Variants in ZDHHC14 observed in about 807,000 individuals in gnomAD.
ZDHHC14 encodes zDHHC palmitoyltransferase 14.
ZDHHC14 carries 16 observed loss-of-function variants against 47.7 expected under a neutral mutation model. The observed-to-expected ratio is 0.34, with a 90% confidence interval of 0.23 to 0.51. The LOEUF (loss-of-function observed/expected upper bound fraction) is 0.51. Among genes scored for constraint, ZDHHC14 ranks in the 20% least tolerant of loss-of-function variants. The pLI is 0.97. For missense variants in ZDHHC14, 515 were observed against 662.5 expected (o/e 0.78, Z 2.44); for synonymous variants, 293 against 278.9 (o/e 1.05, Z -0.50).
At chr6:157,411,556 G>A (rs1005632688) in intron 1 of ZDHHC14, among the ~76,000 whole-genome samples, 4 of 152,116 alleles carry the variant, frequency 2.6e-5, no homozygotes, top group Non-Finnish European at 4.4e-5. Context: ...CCCTCCTGGG[G>A]GAAGTTGGGT....
intron 1 of ZDHHC14, among the ~76,000 whole-genome samples, chr6:157,437,179 A>G (rs975810759): frequency 1.3e-5 from 2 of 152,186 alleles, no homozygotes; most frequent in Non-Finnish European, 2.9e-5. Flanking sequence ...TGCATCCGTG[A>G]GAGCACTGGG....
At position 157,384,016 on chromosome 6, in the gene ZDHHC14, C is replaced by T. The variant is rs112292374; in HGVS notation, c.245+1750C>T. Among the ~76,000 whole-genome samples, 443 of 152,286 alleles carry T rather than the reference C, an allele frequency of 2.9e-3. 5 individuals carry two copies. The highest frequency in any genetic ancestry group is 0.01 in the African/African-American group (428 of 41,564). ...GATGCCATGTGGTTTAACAGAAATG[C>T]CATCTCTCTAATGGTGAATTTAGTT... On this transcript the variant is annotated intron_variant, in intron 1 of 8. Transcript: ENST00000359775.
chr6:157,636,112 C>T (rs926129708), intron 5 of ZDHHC14, among the ~76,000 whole-genome samples: 1 of 152,088 alleles, frequency 6.6e-6, no homozygotes, highest in Non-Finnish European at 1.5e-5. Context: ...CCCGCACCTC[C>T]AGCCAAGGCC....
At chr6:157,524,672 G>A (rs1168119827) in intron 1 of ZDHHC14, among the ~76,000 whole-genome samples, 7 of 152,152 alleles carry the variant, frequency 4.6e-5, no homozygotes, top group African/African-American at 7.2e-5. Context: ...CAGTTAATCC[G>A]TGACGGAGCC....
chr6:157,424,767 C>T (rs986588682), intron 1 of ZDHHC14, among the ~76,000 whole-genome samples: 1 of 152,104 alleles, frequency 6.6e-6, no homozygotes, highest in Non-Finnish European at 1.5e-5. Flanking sequence ...TCTCACCTCC[C>T]CTATCCAATC....
At position 157,430,071 on chromosome 6, in the gene ZDHHC14, C is replaced by T. The variant is rs191458952; in HGVS notation, c.245+47805C>T. On this transcript the variant is annotated intron_variant, in intron 1 of 8. Coordinates refer to ENST00000359775, the MANE Select transcript of ZDHHC14 (RefSeq NM_024630.3). Reference sequence around the variant, plus strand: ...GGCTTAAAATAGCACACATTTATCACTTTGGGAGGCCGAGGCAGGCAGATC... The same window carrying T: ...GGCTTAAAATAGCACACATTTATCATTTTGGGAGGCCGAGGCAGGCAGATC... Among the ~76,000 whole-genome samples the T allele has an allele frequency of 3.3e-5, 5 of 152,264 alleles. No homozygotes were observed. The East Asian group carries it at 9.7e-4, about 29-fold the overall frequency.
intron 2 of ZDHHC14, among the ~76,000 whole-genome samples, chr6:157,585,626 C>A (rs1011700061): frequency 6.6e-6 from 1 of 152,176 alleles, no homozygotes; most frequent in East Asian, 1.9e-4. Flanking sequence ...GGGTTTCAAG[C>A]CCCCTTGTTC....
intron 2 of ZDHHC14, among the ~76,000 whole-genome samples, chr6:157,559,695 A>G (rs1277928199): frequency 2.0e-5 from 3 of 152,230 alleles, no homozygotes; most frequent in Non-Finnish European, 4.4e-5. Context: ...CCAGGTTGTC[A>G]TGAATACTAT....
chr6:157,547,206 TCTCTC>T (rs1345155265), intron 2 of ZDHHC14, among the ~76,000 whole-genome samples: 1 of 152,228 alleles, frequency 6.6e-6, no homozygotes, highest in African/African-American at 2.4e-5. Context: ...GTGTGTTCCT[TCTCTC>T]CTTCCTCCTC....
intron 1 of ZDHHC14, among the ~76,000 whole-genome samples, chr6:157,515,573 C>T (rs532740385): frequency 5.3e-5 from 8 of 151,378 alleles, no homozygotes; most frequent in Non-Finnish European, 8.8e-5. Flanking sequence ...ACGCCATTCT[C>T]CTGCCTCAGC....
chr6:157,511,430 G>T (rs902151914), intron 1 of ZDHHC14, among the ~76,000 whole-genome samples: 51 of 151,888 alleles, frequency 3.4e-4, no homozygotes, highest in African/African-American at 1.2e-3. Flanking sequence ...GCCCAGGCTG[G>T]AGTGCAATGG....
chr6:157,428,892 G>C (rs868634031), intron 1 of ZDHHC14, among the ~76,000 whole-genome samples: 1 of 152,038 alleles, frequency 6.6e-6, no homozygotes, highest in South Asian at 2.1e-4. Context: ...GATTTCACTC[G>C]AGTGACATTT....
At chr6:157,430,608 T>C (rs1243555447) in intron 1 of ZDHHC14, among the ~76,000 whole-genome samples, 2 of 152,232 alleles carry the variant, frequency 1.3e-5, no homozygotes, top group Admixed American at 6.5e-5. Flanking sequence ...TGTGATTATA[T>C]TGAGCTCACC....
rs112831122 is a variant in ZDHHC14, at chr6:157,636,523, G to T, written c.752+3641G>T. On this transcript the variant is annotated intron_variant, in intron 5 of 8. Transcript: ENST00000359775. ...ATCCTCACTTCCCTCCTGCTGATTCGCTCCCTGCTTGGTCTTGTGGCACCT... is the reference window on the plus strand; with the variant it reads ...ATCCTCACTTCCCTCCTGCTGATTCTCTCCCTGCTTGGTCTTGTGGCACCT... Among the ~76,000 whole-genome samples the T allele has an allele frequency of 1.9e-3, 294 of 152,184 alleles. 1 individual carries two copies. The highest frequency in any genetic ancestry group is 6.8e-3 in the African/African-American group (283 of 41,536).
At chr6:157,606,434 C>T (rs1183545634) in intron 3 of ZDHHC14, among the ~76,000 whole-genome samples, 1 of 152,040 alleles carries the variant, frequency 6.6e-6, no homozygotes, top group Non-Finnish European at 1.5e-5. Flanking sequence ...CCACTGCATT[C>T]CAACCTGGGG....
intron 1 of ZDHHC14, among the ~76,000 whole-genome samples, chr6:157,470,427 C>A (rs1184949861): frequency 6.6e-6 from 1 of 152,120 alleles, no homozygotes; most frequent in South Asian, 2.1e-4. Context: ...AAATGTTATG[C>A]AGCTATAAAA....
chr6:157,528,404 T>C (rs1781235436), intron 1 of ZDHHC14, among the ~76,000 whole-genome samples: 1 of 152,114 alleles, frequency 6.6e-6, no homozygotes. Flanking sequence ...AGATGAAGAC[T>C]GGGGATGGGA....
chr6:157,632,984 T>C (rs1456531769), intron 5 of ZDHHC14, 102 bp downstream of exon 5: 70 of 1,242,796 alleles, frequency 5.6e-5, no homozygotes, highest in Non-Finnish European at 7.9e-5. Flanking sequence ...GCCTTGCTTC[T>C]CATGTATCTT....
chr6:157,656,344 C>CTTTTTTTCTTTT (rs1778088551), intron 8 of ZDHHC14, among the ~76,000 whole-genome samples: 2 of 150,056 alleles, frequency 1.3e-5, no homozygotes, highest in Non-Finnish European at 3.0e-5. Flanking sequence ...CTTTTCTTTT[C>CTTTTTTTCTTTT]TTTTTTTTGA....
Sources: allele counts gnomAD v4.1 joint callset (sites outside exome capture counted in the v4.1 genomes callset), GRCh38; gene constraint gnomAD v4.1.1; transcripts MANE v1.5; gene names NCBI Gene and HGNC (gene_info 2026-07-23, HGNC 2026-07-21).